PTK2: variants seen among roughly 807,000 people sequenced by gnomAD.
PTK2 encodes the protein focal adhesion kinase 1.
In PTK2, 45 loss-of-function variants were observed where a neutral mutation model predicts 150.1. The observed-to-expected ratio is 0.30, with a 90% CI of 0.24 to 0.38. PTK2 has a LOEUF of 0.38. Among genes scored for constraint, PTK2 ranks in the 10% least tolerant of loss-of-function variants. The pLI is 1.00. For synonymous variants in PTK2, 432 were observed against 449.2 expected (o/e 0.96, Z 0.48); for missense variants, 919 against 1,307.3 (o/e 0.70, Z 4.58).
exon 32 of PTK2, chr8:140,659,536 T>C (rs761550309): frequency 6.2e-7 from 1 of 1,613,880 alleles, no homozygotes; most frequent in Admixed American, 1.7e-5. Flanking sequence ...GTTTTTGGCA[T>C]CCACAGCCAG....
chr8:140,907,878 C>G (rs1404196216), intron 2 of PTK2, among the ~76,000 whole-genome samples: 1 of 152,118 alleles, frequency 6.6e-6, no homozygotes, highest in Non-Finnish European at 1.5e-5. Context: ...CCTAAGGCCT[C>G]CCTATTCAGA....
At chr8:140,920,814 C>A in intron 2 of PTK2, 1 of 1,507,722 alleles carries the variant, frequency 6.6e-7, no homozygotes, top group Non-Finnish European at 8.8e-7. Flanking sequence ...TTATTTATAC[C>A]TTTAGCCCAA....
chr8:140,970,821 T>G (rs1321123421), intron 1 of PTK2, among the ~76,000 whole-genome samples: 2 of 151,968 alleles, frequency 1.3e-5, no homozygotes, highest in African/African-American at 2.4e-5. Flanking sequence ...CCATCTTATG[T>G]GGATAACTTA....
chr8:140,746,600 G>A, intron 18 of PTK2, 160 bp downstream of exon 21: 2 of 494,870 alleles, frequency 4.0e-6, no homozygotes, highest in East Asian at 6.6e-5. Flanking sequence ...TAATGATGAA[G>A]ATATTTATAC....
At chr8:140,902,161 G>A (rs1046283554) in intron 2 of PTK2, among the ~76,000 whole-genome samples, 7 of 152,004 alleles carry the variant, frequency 4.6e-5, no homozygotes, top group African/African-American at 1.7e-4. Flanking sequence ...AGCCTCCTGG[G>A]TAGCTGGGAT....
chr8:140,734,955 T>C (rs894142150), intron 22 of PTK2: 4 of 457,510 alleles, frequency 8.7e-6, no homozygotes, highest in African/African-American at 5.9e-5. Context: ...ATGAGATTAG[T>C]GAGGAAAGCC....
At chr8:140,939,921 ACAACTC>A (rs1569256782) in intron 1 of PTK2, among the ~76,000 whole-genome samples, 1 of 152,222 alleles carries the variant, frequency 6.6e-6, no homozygotes, top group Non-Finnish European at 1.5e-5. Context: ...AGTGCCAAAA[ACAACTC>A]CAAATCACCA....
At chr8:140,755,428 G>A (rs145278372) in intron 16 of PTK2, among the ~76,000 whole-genome samples, 102 of 152,038 alleles carry the variant, frequency 6.7e-4, no homozygotes, top group Non-Finnish European at 1.1e-3. Context: ...CCTCTACTCC[G>A]CGGCCACACC....
intron 10 of PTK2, among the ~76,000 whole-genome samples, chr8:140,806,930 C>T (rs1380950650): frequency 6.6e-6 from 1 of 152,184 alleles, no homozygotes; most frequent in African/African-American, 2.4e-5. Flanking sequence ...CTCTCTCACG[C>T]CACCCTACTA....
chr8:140,934,423 T>C (rs2100172929), intron 1 of PTK2: 2 of 146,342 alleles, frequency 1.4e-5, no homozygotes, highest in African/African-American at 4.9e-5. Context: ...ACTTTGTCTC[T>C]AAAAAATAAA....
At chr8:140,816,315 G>A (rs1174392260) in intron 10 of PTK2, among the ~76,000 whole-genome samples, 3 of 152,120 alleles carry the variant, frequency 2.0e-5, no homozygotes, top group Non-Finnish European at 2.9e-5. Flanking sequence ...TCTTATTGAA[G>A]GGTATAAAAG....
At chr8:140,959,165 G>A (rs1031165978) in intron 1 of PTK2, among the ~76,000 whole-genome samples, 1 of 120,042 alleles carries the variant, frequency 8.3e-6, no homozygotes, top group Non-Finnish European at 2.1e-5. Flanking sequence ...CAGAAGTCAA[G>A]ATGATGGAAA....
At chr8:140,838,197 A>G (rs2100119974) in intron 7 of PTK2, among the ~76,000 whole-genome samples, 1 of 152,258 alleles carries the variant, frequency 6.6e-6, no homozygotes, top group African/African-American at 2.4e-5. Context: ...GAAAGGAAAA[A>G]GAGAACCATG....
At chr8:140,740,804 A>T (rs1161396583) in intron 20 of PTK2, among the ~76,000 whole-genome samples, 1 of 152,270 alleles carries the variant, frequency 6.6e-6, no homozygotes, top group Non-Finnish European at 1.5e-5. Flanking sequence ...ATTAAAATGA[A>T]TAAACAATTG....
intron 13 of PTK2, among the ~76,000 whole-genome samples, chr8:140,791,914 C>G (rs953935940): frequency 6.6e-6 from 1 of 152,170 alleles, no homozygotes; most frequent in Non-Finnish European, 1.5e-5. Context: ...AACAATCACA[C>G]GGGCTCCTGC....
chr8:140,862,206 C>G lies in PTK2; in HGVS notation c.450+2106G>C. ...TTATGCATTCTGGAAATCAATGTTA[C>G]TAAAGTACCCATGTATTTCCTCGGT... On this transcript the variant is annotated intron_variant, in intron 5 of 31. Coordinates refer to ENST00000522684, the Ensembl canonical transcript of PTK2. Among the ~76,000 whole-genome samples, 2 of 151,868 alleles carry G rather than the reference C, an allele frequency of 1.3e-5. 1 individual carries two copies. The highest frequency in any genetic ancestry group is 4.2e-4 in the South Asian group (2 of 4,804).
intron 4 of PTK2, among the ~76,000 whole-genome samples, chr8:140,876,170 T>C (rs193077788): frequency 2.0e-5 from 3 of 152,134 alleles, no homozygotes; most frequent in Non-Finnish European, 2.9e-5. Flanking sequence ...ATGGGGCCAA[T>C]GCATATTTAG....
intron 8 of PTK2, chr8:140,820,790 AGT>A (rs2100108075): frequency 6.6e-6 from 1 of 152,326 alleles, no homozygotes. Flanking sequence ...GTAAGGGCCC[AGT>A]GGAGTTCAAG....
intron 23 of PTK2, among the ~76,000 whole-genome samples, chr8:140,713,718 A>G (rs1378307802): frequency 1.3e-5 from 2 of 151,980 alleles, no homozygotes; most frequent in Non-Finnish European, 2.9e-5. Context: ...TTAATGGGAC[A>G]CTCCCATGCA....
Sources: allele counts gnomAD v4.1 joint callset (sites outside exome capture counted in the v4.1 genomes callset), GRCh38; gene constraint gnomAD v4.1.1; transcripts MANE v1.5; gene names NCBI Gene and HGNC (gene_info 2026-07-23, HGNC 2026-07-21).